Variants in TOP1 observed in about 807,000 individuals in gnomAD.
The protein encoded by TOP1 is DNA topoisomerase I.
A neutral mutation model predicts 111.1 loss-of-function variants in TOP1; 10 were observed. That is an observed-to-expected ratio of 0.09 (90% CI 0.06 to 0.15). The LOEUF (loss-of-function observed/expected upper bound fraction) is 0.15, where lower values mean the gene tolerates loss of function less well. Ranked by LOEUF, TOP1 falls within the 10% of genes least tolerant of loss-of-function variation. The pLI, the probability that TOP1 is intolerant of heterozygous loss-of-function variation, is 1.00. For synonymous variants in TOP1, 271 were observed against 302.9 expected (o/e 0.89, Z 1.10); for missense variants, 474 against 926.7 (o/e 0.51, Z 6.34).
intron 18 of TOP1, among the ~76,000 whole-genome samples, chr20:41,120,276 G>T (rs760580247): frequency 1.3e-4 from 20 of 152,248 alleles, no homozygotes; most frequent in Non-Finnish European, 2.4e-4. Context: ...GGACAACATA[G>T]ATGTTGGAAG....
chr20:41,101,063 A>G lies in TOP1; in HGVS notation c.1164-146A>G. On this transcript the variant is annotated intron_variant, in intron 12 of 20. Transcript: ENST00000361337. This position sits in a 1 kb window ranked among gnomAD's most constrained non-coding sequence, Gnocchi z 4.1. Reference sequence around the variant, plus strand: ...TGACAGTTGGCTGAGGGTAAGTAAAACCATGCATAAGGTGGGACTACTGTA... The same window carrying G: ...TGACAGTTGGCTGAGGGTAAGTAAAGCCATGCATAAGGTGGGACTACTGTA... 2.8e-6 allele frequency: 2 copies of G among 714,080 alleles called. No individual in the cohort carries two copies. The highest frequency in any genetic ancestry group is 4.6e-6 in the Non-Finnish European group (2 of 432,846). The allele number at this position is 714,080 out of a possible 1,614,324, so 44.2% of individuals were successfully genotyped here.
rs749538497 is a variant in TOP1, at chr20:41,095,083, ACT to A, written c.731-2134_731-2133del. ...ATTTATTTATTTGAGACAGAGTCAC[ACT>A]CTGTCACCCAGGCTGGAGTGCAGTG... On this transcript the variant is annotated intron_variant, in intron 9 of 20. Transcript: ENST00000361337. This position sits in a 1 kb window ranked among gnomAD's most constrained non-coding sequence, Gnocchi z 4.6. Among the ~76,000 whole-genome samples the A allele has an allele frequency of 7.5e-4, 114 of 152,074 alleles. No individual in the cohort carries two copies. Among genetic ancestry groups the A allele is most frequent in the Admixed American group, 1.0e-3 (16 of 15,276 alleles).
Position 41,061,259 on chromosome 20 carries a change from T to C in TOP1, c.59-135T>C, listed in dbSNP as rs2033540793. ...TGGGCTTCTTTGTGAAAGCTTTTTTTTTCAGTGGCATGTGCTATTATGCCT... is the reference window on the plus strand; with the variant it reads ...TGGGCTTCTTTGTGAAAGCTTTTTTCTTCAGTGGCATGTGCTATTATGCCT... On this transcript the variant is annotated intron_variant, in intron 2 of 20. Transcript: ENST00000361337. This position sits in a 1 kb window ranked among gnomAD's most constrained non-coding sequence, Gnocchi z 4.6. 1 of 741,222 alleles carries C rather than the reference T, an allele frequency of 1.3e-6. No individual in the cohort carries two copies. The highest frequency in any genetic ancestry group is 2.5e-5 in the Admixed American group (1 of 39,270). 45.9% of individuals were successfully genotyped at this position (741,222 alleles called of 1,614,324 possible).
At chr20:41,075,456 C>T (rs763128096) in intron 3 of TOP1, among the ~76,000 whole-genome samples, 9 of 152,224 alleles carry the variant, frequency 5.9e-5, no homozygotes, top group Non-Finnish European at 1.3e-4. Flanking sequence ...CAGGCGTGAG[C>T]CACCGCGCCC....
At chr20:41,081,304 ACTT>A in intron 7 of TOP1, 64 bp downstream of exon 7, 1 of 1,521,634 alleles carries the variant, frequency 6.6e-7, no homozygotes, top group East Asian at 2.3e-5. Flanking sequence ...CCAGTAAGCA[ACTT>A]CTTAAGACAA....
At position 41,121,805 on chromosome 20, in the gene TOP1, T is replaced by C. The variant is rs776459496; in HGVS notation, c.2045+15T>C. On this transcript the variant is annotated intron_variant, in intron 19 of 20. Transcript: ENST00000361337. The surrounding 1 kb of genome is among the most constrained non-coding windows in gnomAD (Gnocchi z 4.2). ...AAGACGAAGAAGTATGTACCTGGTATTGTGAAAGTTGGGGCTGGTAGAGAA... is the reference window on the plus strand; with the variant it reads ...AAGACGAAGAAGTATGTACCTGGTACTGTGAAAGTTGGGGCTGGTAGAGAA... The C allele has an allele frequency of 3.1e-6, 5 of 1,611,246 alleles. No individual in the cohort carries two copies. The highest frequency in any genetic ancestry group is 1.7e-5 in the Admixed American group (1 of 60,018).
Position 41,116,153 on chromosome 20 carries a change from C to A in TOP1, c.1708-125C>A. ...TGGAATTCTTTTCCTCTTTCCCTAA[C>A]TTCCCACTTGTAGGGCAATAAACTT... On this transcript the variant is annotated intron_variant, in intron 16 of 20. Coordinates refer to ENST00000361337, the MANE Select transcript of TOP1 (RefSeq NM_003286.4). The surrounding 1 kb of genome is among the most constrained non-coding windows in gnomAD (Gnocchi z 5.6). The A allele has an allele frequency of 1.6e-6, 1 of 626,366 alleles. No homozygotes were observed. The allele number at this position is 626,366 out of a possible 1,614,324, so 38.8% of individuals were successfully genotyped here.
In TOP1 at chr20:41,112,425, T is replaced by C. The variant is rs1488974287; in HGVS notation, c.1309-357T>C. 6.6e-6 allele frequency among the ~76,000 whole-genome samples: 1 copy of C among 152,214 alleles called. No homozygotes were observed. The highest frequency in any genetic ancestry group is 2.4e-5 in the African/African-American group (1 of 41,456). On this transcript the variant is annotated intron_variant, in intron 13 of 20. Transcript: ENST00000361337. The surrounding 1 kb of genome is among the most constrained non-coding windows in gnomAD (Gnocchi z 5.8). ...TTTAGAGAATTAGAGCTAGAAACTT[T>C]CTTCTGGGAAAGCCTTAGAAGTCAG...
Position 41,061,298 on chromosome 20 carries a change from A to T in TOP1, c.59-96A>T. On this transcript the variant is annotated intron_variant, in intron 2 of 20. Transcript: ENST00000361337. This position sits in a 1 kb window ranked among gnomAD's most constrained non-coding sequence, Gnocchi z 4.6. ...GCTATTATGCCTACCATGCCATTTGAATCCTGTCATTGTACTTCTTGACCA... is the reference window on the plus strand; with the variant it reads ...GCTATTATGCCTACCATGCCATTTGTATCCTGTCATTGTACTTCTTGACCA... The T allele has an allele frequency of 8.3e-7, 1 of 1,199,870 alleles. No homozygotes were observed. Among genetic ancestry groups the T allele is most frequent in the Non-Finnish European group, 1.2e-6 (1 of 839,212 alleles). 74.3% of individuals were successfully genotyped at this position (1,199,870 alleles called of 1,614,324 possible).
Position 41,097,280 on chromosome 20 carries a change from T to C in TOP1, c.791T>C (p.Leu264Pro). Residue 264 changes from leucine (L) to proline (P), a missense_variant, in exon 10 of 21, where the codon CTC becomes CCC. Leu to Pro is a moderately conservative substitution (Grantham distance 98). This residue lies in a region of TOP1 where 84 missense variants were observed against 119.2 expected (regional missense o/e 0.70). Transcript: ENST00000361337. The surrounding 1 kb of genome is among the most constrained non-coding windows in gnomAD (Gnocchi z 4.2). ...GTAGCTACGTTCTTTGCAAAAATGC[T>C]CGACCATGAATATACTACCAAGGAA... ...EEVATFFAKM[L>P]DHEYTTKEIF... 6.2e-7 allele frequency: 1 copy of C among 1,614,078 alleles called. No individual in the cohort carries two copies. The highest frequency in any genetic ancestry group is 8.5e-7 in the Non-Finnish European group (1 of 1,179,966).
intron 2 of TOP1, among the ~76,000 whole-genome samples, chr20:41,042,012 G>A (rs542577531): frequency 2.0e-5 from 3 of 152,174 alleles, no homozygotes; most frequent in South Asian, 2.1e-4. Context: ...GGGTTCAAGC[G>A]ATTCTCCTGC....
Position 41,098,564 on chromosome 20 carries a change from A to G in TOP1, c.975+227A>G. 2.3e-6 allele frequency: 1 copy of G among 440,764 alleles called. No homozygotes were observed. The highest frequency in any genetic ancestry group is 4.0e-6 in the Non-Finnish European group (1 of 249,450). 27.3% of individuals were successfully genotyped at this position (440,764 alleles called of 1,614,324 possible). A position where few individuals can be genotyped will look rare whatever the true frequency, so the allele number is the denominator to read the frequency against. The stretch of plus-strand genomic sequence containing the variant: ...CTCTGTACAGGAATCTTGGTGCTTC[A>G]GTGACCTAAAAACCAGTCAGTAACT... On this transcript the variant is annotated intron_variant, in intron 11 of 20. Transcript: ENST00000361337. The surrounding 1 kb of genome is among the most constrained non-coding windows in gnomAD (Gnocchi z 5.7).
In TOP1 at chr20:41,073,394, A is replaced by G. The variant is rs533049641; in HGVS notation, c.156-2777A>G. 4 of 959,072 alleles carry G rather than the reference A, an allele frequency of 4.2e-6. No individual in the cohort carries two copies. In the Admixed American group the frequency reaches 2.5e-4, roughly 60 times the overall value. 59.4% of individuals were successfully genotyped at this position (959,072 alleles called of 1,614,324 possible). On this transcript the variant is annotated intron_variant, in intron 3 of 20. Coordinates refer to ENST00000361337, the MANE Select transcript of TOP1 (RefSeq NM_003286.4). ...ACAATGAAAAAAAAAAAAAAGAAAG[A>G]AAGAAAAGAAAAGAAAAGAAACAAG...
Position 41,028,989 on chromosome 20 carries a change from C to A in TOP1, c.-79C>A, listed in dbSNP as rs983008492. On this transcript the variant is annotated 5_prime_UTR_variant, in exon 1 of 21. Coordinates refer to ENST00000361337, the MANE Select transcript of TOP1 (RefSeq NM_003286.4). The stretch of plus-strand genomic sequence containing the variant: ...TCCTCGAGCCTCCGGAGTCCCCGTC[C>A]GCCCGCACAGGCCGGTTCGCCGTCT... 1 of 1,305,794 alleles carries A rather than the reference C, an allele frequency of 7.7e-7. No individual in the cohort carries two copies. Among genetic ancestry groups the A allele is most frequent in the Non-Finnish European group, 1.1e-6 (1 of 942,802 alleles). The allele number at this position is 1,305,794 out of a possible 1,614,324, so 80.9% of individuals were successfully genotyped here. A position where few individuals can be genotyped will look rare whatever the true frequency, so the allele number is the denominator to read the frequency against.
At position 41,114,198 on chromosome 20, in the gene TOP1, T is replaced by C; in HGVS notation, c.1638+43T>C. 6.5e-7 allele frequency: 1 copy of C among 1,541,582 alleles called. No homozygotes were observed. Among genetic ancestry groups the C allele is most frequent in the South Asian group, 1.2e-5 (1 of 83,914 alleles). ...TACTGTCTGACTTGTTTTCCATTAT[T>C]CAACAAGCATGGGTTGACTGCTTTT... On this transcript the variant is annotated intron_variant, in intron 15 of 20. Transcript: ENST00000361337. This position sits in a 1 kb window ranked among gnomAD's most constrained non-coding sequence, Gnocchi z 4.5.
intron 2 of TOP1, among the ~76,000 whole-genome samples, chr20:41,038,976 G>T (rs1192213465): frequency 6.6e-6 from 1 of 151,078 alleles, no homozygotes; most frequent in African/African-American, 2.4e-5. Flanking sequence ...TTGGGCAACA[G>T]AGTGAGACCC....
chr20:41,059,840 C>G (rs1192414171), intron 2 of TOP1, among the ~76,000 whole-genome samples: 1 of 152,130 alleles, frequency 6.6e-6, no homozygotes, highest in African/African-American at 2.4e-5. Flanking sequence ...GCTCTTACAA[C>G]TAGGTAGTAA....
intron 2 of TOP1, among the ~76,000 whole-genome samples, chr20:41,057,122 C>T (rs1295207527): frequency 5.9e-5 from 9 of 152,134 alleles, no homozygotes; most frequent in South Asian, 4.1e-4. Context: ...AAAAATTAGC[C>T]GGGCATGGCG....
chr20:41,072,204 C>T (rs1470211481), intron 3 of TOP1: 8 of 982,602 alleles, frequency 8.1e-6, no homozygotes, highest in Non-Finnish European at 9.7e-6. Context: ...TTATAGCCTA[C>T]AATTGTACTT....
Sources: gnomAD v4.1 joint callset for allele counts (sites outside exome capture counted in the v4.1 genomes callset) on GRCh38, gnomAD v4.1.1 for gene constraint, gnomAD v4.1.1 regional missense constraint, Gnocchi (gnomAD v3.1) non-coding constraint, MANE v1.5 for transcripts, NCBI Gene and HGNC (gene_info 2026-07-23, HGNC 2026-07-21) for gene names.